The following RB1 variants were observed in gnomAD, a reference collection of about 807,000 sequenced individuals.
RB1 encodes RB transcriptional corepressor 1, also known as retinoblastoma-associated protein.
In RB1, 18 loss-of-function variants were observed where a neutral mutation model predicts 135.4. The ratio of observed to expected loss-of-function variants is 0.13; its 90% CI spans 0.09 to 0.20. The LOEUF (loss-of-function observed/expected upper bound fraction) is 0.20. Ranked by LOEUF, RB1 falls within the 10% of genes least tolerant of loss-of-function variation. The pLI is 1.00. For synonymous variants in RB1, 365 were observed against 373.2 expected (o/e 0.98, Z 0.25); for missense variants, 868 against 1,110.0 (o/e 0.78, Z 3.10).
At chr13:48,355,907 T>C (rs1952585373) in intron 6 of RB1, among the ~76,000 whole-genome samples, 1 of 152,052 alleles carries the variant, frequency 6.6e-6, no homozygotes, top group African/African-American at 2.4e-5. Context: ...GAAGGATGGT[T>C]ACCAGAGGCT....
At chr13:48,447,486 A>G (rs1047172318) in intron 17 of RB1, among the ~76,000 whole-genome samples, 24 of 152,194 alleles carry the variant, frequency 1.6e-4, no homozygotes, top group African/African-American at 5.5e-4. Flanking sequence ...TCTTTGTATA[A>G]TGGCACTCAT....
In RB1 at chr13:48,379,624, C is replaced by T. The variant is rs121913302; in HGVS notation, c.1363C>T (p.Arg455Ter). ...RYKLGVRLYY[R>*]VMESMLKSEE... ...CAAACTTGGAGTTCGCTTGTATTAC[C>T]GAGTAATGGAATCCATGCTTAAATC... Residue 455 changes from arginine to a stop codon, truncating the protein, a stop_gained, in exon 14 of 27, where the codon CGA (arginine) becomes TGA (stop). Transcript: ENST00000267163. LOFTEE classifies it high-confidence loss of function. 1.2e-6 allele frequency: 2 copies of T among 1,612,016 alleles called. No individual in the cohort carries two copies. The highest frequency in any genetic ancestry group is 1.7e-6 in the Non-Finnish European group (2 of 1,179,606).
intron 19 of RB1, among the ~76,000 whole-genome samples, chr13:48,456,776 G>C (rs1949363397): frequency 6.6e-6 from 1 of 152,252 alleles, no homozygotes; most frequent in African/African-American, 2.4e-5. Context: ...GCAGCTCCAG[G>C]TGCTGGCACA....
intron 2 of RB1, among the ~76,000 whole-genome samples, chr13:48,316,200 G>A (rs752395871): frequency 6.7e-6 from 1 of 148,280 alleles, no homozygotes; most frequent in Non-Finnish European, 1.5e-5. Context: ...GCTTTAAATC[G>A]TTTTTTCCAG....
intron 17 of RB1, among the ~76,000 whole-genome samples, chr13:48,421,493 T>C (rs958243651): frequency 1.3e-5 from 2 of 152,040 alleles, no homozygotes; most frequent in South Asian, 2.1e-4. Context: ...AAAGCAATGG[T>C]AACAAAAGCC....
At chr13:48,366,497 T>C (rs1200171630) in intron 9 of RB1, among the ~76,000 whole-genome samples, 1 of 152,188 alleles carries the variant, frequency 6.6e-6, no homozygotes, top group East Asian at 1.9e-4. Flanking sequence ...TTCTCTGAGG[T>C]TGGAATCACT....
rs553094345 is a variant in RB1 at position 48,464,958 on chromosome 13, C to CTT, written c.2212-17_2212-16dup. 35,942 of 813,008 alleles carry CTT rather than the reference C, an allele frequency of 0.044. 37 individuals carry two copies. Among genetic ancestry groups the CTT allele is most frequent in the Non-Finnish European group, 0.05 (30,421 of 609,914 alleles). 50.4% of individuals were successfully genotyped at this position (813,008 alleles called of 1,614,324 possible). ...AAATTCATTTAACAAGTAAATTTTA[C>CTT]TTTTTTTTTTTTTTTTTTTTTTTTA... is the stretch of plus-strand genomic sequence containing the variant. On this transcript the variant is annotated intron_variant, in intron 21 of 26. Coordinates refer to ENST00000267163, the MANE Select transcript of RB1 (RefSeq NM_000321.3).
chr13:48,344,948 C>A, intron 3 of RB1, 132 bp from the exon 4 acceptor site: 1 of 1,141,008 alleles, frequency 8.8e-7, no homozygotes, highest in East Asian at 2.6e-5. Context: ...AAAGTAATTC[C>A]TTCCAAAGGA....
At chr13:48,374,326 T>C (rs1329281473) in intron 12 of RB1, among the ~76,000 whole-genome samples, 3 of 152,176 alleles carry the variant, frequency 2.0e-5, no homozygotes, top group East Asian at 3.8e-4. Flanking sequence ...TAAACTCAGA[T>C]GAGGATTGGG....
intron 24 of RB1, among the ~76,000 whole-genome samples, chr13:48,476,023 G>A (rs112614712): frequency 2.0e-5 from 3 of 152,262 alleles, no homozygotes; most frequent in African/African-American, 7.2e-5. Flanking sequence ...TTTAATAGCA[G>A]CACGGGATTT....
intron 17 of RB1, chr13:48,439,789 GT>G (rs1254190498): frequency 6.6e-6 from 1 of 152,086 alleles, no homozygotes; most frequent in Non-Finnish European, 1.5e-5. Flanking sequence ...TTTGGGGAAG[GT>G]TTGAAAGAAG....
chr13:48,318,439 T>C (rs1053094380), intron 2 of RB1: 7 of 1,457,840 alleles, frequency 4.8e-6, no homozygotes, highest in South Asian at 3.5e-5. Context: ...GAGCTGCTCT[T>C]GTCTTCGGAG....
At chr13:48,360,266 T>A in intron 7 of RB1, 139 bp downstream of exon 7, 1 of 1,486,536 alleles carries the variant, frequency 6.7e-7, no homozygotes, top group South Asian at 1.3e-5. Flanking sequence ...ATAAGTAGTG[T>A]AAGTTATAGA....
At chr13:48,365,719 T>A (rs1169055380) in intron 9 of RB1, among the ~76,000 whole-genome samples, 4 of 152,172 alleles carry the variant, frequency 2.6e-5, no homozygotes, top group Non-Finnish European at 5.9e-5. Context: ...TTGAATTAAT[T>A]TATTAATTCA....
At chr13:48,311,208 T>C (rs1237704250) in intron 2 of RB1, among the ~76,000 whole-genome samples, 1 of 152,232 alleles carries the variant, frequency 6.6e-6, no homozygotes, top group African/African-American at 2.4e-5. Context: ...CTTTTTGTTA[T>C]ACATACATAT....
At chr13:48,356,457 G>T (rs777739363) in intron 6 of RB1, among the ~76,000 whole-genome samples, 3 of 151,810 alleles carry the variant, frequency 2.0e-5, no homozygotes, top group African/African-American at 7.3e-5. Flanking sequence ...ATTTCTCTAA[G>T]ATTATGAAAA....
Position 48,477,570 on chromosome 13 carries a change from A to T in RB1, c.2713+166A>T, listed in dbSNP as rs77520761. ...ATTTATCTACAAACATTTGTGGATT[A>T]AATGTATGATGTAAAATGAAGGTCA... On this transcript the variant is annotated intron_variant, in intron 26 of 26. Transcript: ENST00000267163. 0.014 allele frequency among the ~76,000 whole-genome samples: 2,138 copies of T among 152,318 alleles called. 44 individuals carry two copies. The highest frequency in any genetic ancestry group is 0.047 in the African/African-American group (1,940 of 41,568).
chr13:48,443,259 A>G (rs1052397016), intron 17 of RB1, among the ~76,000 whole-genome samples: 1 of 151,644 alleles, frequency 6.6e-6, no homozygotes, highest in African/African-American at 2.4e-5. Flanking sequence ...TTTTTCAGTA[A>G]ATGGATAAAG....
rs185096386 is a variant in RB1, at chr13:48,461,717, G to T, written c.2106+1884G>T. Among the ~76,000 whole-genome samples, 395 of 151,786 alleles carry T rather than the reference G, an allele frequency of 2.6e-3. 1 individual carries two copies. Among genetic ancestry groups the T allele is most frequent in the African/African-American group, 9.1e-3 (376 of 41,390 alleles). On this transcript the variant is annotated intron_variant, in intron 20 of 26. Coordinates refer to ENST00000267163, the MANE Select transcript of RB1 (RefSeq NM_000321.3). Reference sequence around the variant, plus strand: ...ATAAAATGGCATCTCAGTGTGGTTTGATTTGCATTTCTCTGATGGCTAGTG... The same window carrying T: ...ATAAAATGGCATCTCAGTGTGGTTTTATTTGCATTTCTCTGATGGCTAGTG...
Sources: allele counts gnomAD v4.1 joint callset (sites outside exome capture counted in the v4.1 genomes callset), GRCh38; gene constraint gnomAD v4.1.1; transcripts MANE v1.5; gene names NCBI Gene and HGNC (gene_info 2026-07-23, HGNC 2026-07-21).